Variants in GABRB3 observed in about 807,000 individuals in gnomAD.
GABRB3 encodes gamma-aminobutyric acid receptor subunit beta-3.
GABRB3 carries 14 observed loss-of-function variants against 52.1 expected under a neutral mutation model. The observed-to-expected ratio is 0.27, with a 90% CI of 0.18 to 0.42. The LOEUF is 0.42. GABRB3 is among the 10% of genes least tolerant of loss of function. GABRB3 has a pLI of 1.00. For synonymous variants in GABRB3, 260 were observed against 232.3 expected (o/e 1.12, Z -1.08); for missense variants, 307 against 609.1 (o/e 0.50, Z 5.22).
At chr15:26,767,524 C>A (rs1199310736) in intron 3 of GABRB3, among the ~76,000 whole-genome samples, 2 of 152,168 alleles carry the variant, frequency 1.3e-5, no homozygotes, top group African/African-American at 4.8e-5. Context: ...AAACCTCCGA[C>A]TGAATTCCTG....
chr15:26,677,575 C>T (rs1183488358), intron 3 of GABRB3, among the ~76,000 whole-genome samples: 1 of 152,080 alleles, frequency 6.6e-6, no homozygotes, highest in Non-Finnish European at 1.5e-5. Context: ...TCTGGGGATC[C>T]AGAAGAATGA....
intron 3 of GABRB3, among the ~76,000 whole-genome samples, chr15:26,661,519 C>T (rs187900028): frequency 6.5e-4 from 99 of 152,286 alleles, no homozygotes; most frequent in African/African-American, 2.3e-3. Context: ...ATTCACTCGT[C>T]AGCCAGGGAA....
intron 6 of GABRB3, among the ~76,000 whole-genome samples, chr15:26,579,360 G>C (rs1595455789): frequency 6.6e-6 from 1 of 152,134 alleles, no homozygotes; most frequent in Non-Finnish European, 1.5e-5. Flanking sequence ...GGCTGTGCCG[G>C]GTCAAGCAGG....
intron 3 of GABRB3, among the ~76,000 whole-genome samples, chr15:26,662,793 T>C (rs1409877020): frequency 6.6e-6 from 1 of 152,140 alleles, no homozygotes; most frequent in Non-Finnish European, 1.5e-5. Context: ...AGGAAAAGCA[T>C]TACCAGGAAC....
At chr15:26,649,658 CTGTGTGTGTGTGTG>C (rs57833685) in intron 3 of GABRB3, among the ~76,000 whole-genome samples, 5 of 130,096 alleles carry the variant, frequency 3.8e-5, no homozygotes, top group African/African-American at 1.5e-4. Context: ...AGAGCCAAGG[CTGTGTGTGTGTGTG>C]TGTGTGTGTG....
At chr15:26,635,532 T>C (rs551439589) in intron 3 of GABRB3, among the ~76,000 whole-genome samples, 7 of 152,130 alleles carry the variant, frequency 4.6e-5, no homozygotes, top group Non-Finnish European at 8.8e-5. Flanking sequence ...AAAAAAATGC[T>C]TAAACAGAAA....
At chr15:26,554,175 A>ATTATATATATATATATAT (rs1397152466) in intron 8 of GABRB3, among the ~76,000 whole-genome samples, 1 of 14,280 alleles carries the variant, frequency 7.0e-5, no homozygotes, top group East Asian at 0.019. Context: ...ATATATATAA[A>ATTATATATATATATATAT]GTATATATAT....
rs113625389 is a variant in GABRB3 at position 26,745,948 on chromosome 15, C to G, written c.240+26454G>C. Among the ~76,000 whole-genome samples, 240 of 152,196 alleles carry G rather than the reference C, an allele frequency of 1.6e-3. 1 individual carries two copies. The highest frequency in any genetic ancestry group is 5.7e-3 in the African/African-American group (235 of 41,532). Reference sequence around the variant, plus strand: ...TTTGTGTGACTACTGGTTTTCATTCCTCTGAGATAAATGCCACAGAGTGCA... The same window carrying G: ...TTTGTGTGACTACTGGTTTTCATTCGTCTGAGATAAATGCCACAGAGTGCA... On this transcript the variant is annotated intron_variant, in intron 3 of 8. Coordinates refer to ENST00000311550, the MANE Select transcript of GABRB3 (RefSeq NM_000814.6).
At chr15:26,572,822 A>C (rs983914703) in intron 6 of GABRB3, among the ~76,000 whole-genome samples, 3 of 152,182 alleles carry the variant, frequency 2.0e-5, no homozygotes, top group African/African-American at 7.2e-5. Flanking sequence ...GAGCCAACAG[A>C]CAGAGGCACA....
chr15:26,615,775 T>TA, intron 4 of GABRB3: 3 of 1,147,532 alleles, frequency 2.6e-6, no homozygotes, highest in Non-Finnish European at 3.3e-6. Flanking sequence ...GCGACTGACC[T>TA]ACCAGTGTAG....
chr15:26,709,001 T>C lies in GABRB3; in HGVS notation c.240+63401A>G, dbSNP rs61251957. ...TATGTTTCTAAGAAAATTTAAATAT[T>C]GATTATTATCTTTTCTACTAAAAGA... On this transcript the variant is annotated intron_variant, in intron 3 of 8. Transcript: ENST00000311550. 4.5e-4 allele frequency among the ~76,000 whole-genome samples: 68 copies of C among 152,368 alleles called. No individual in the cohort carries two copies. The East Asian group carries it at 5.4e-3, about 12-fold the overall frequency.
At position 26,739,978 on chromosome 15, in the gene GABRB3, A is replaced by C. The variant is rs183390770; in HGVS notation, c.240+32424T>G. Among the ~76,000 whole-genome samples, 370 of 152,268 alleles carry C rather than the reference A, an allele frequency of 2.4e-3. 2 individuals carry two copies. Among genetic ancestry groups the C allele is most frequent in the African/African-American group, 8.6e-3 (356 of 41,566 alleles). On this transcript the variant is annotated intron_variant, in intron 3 of 8. Transcript: ENST00000311550. ...AGACCTTTCCACTTCCTGCCGTGACACCTGCACGAGCCGCTCATTTGTCTC... is the reference window on the plus strand; with the variant it reads ...AGACCTTTCCACTTCCTGCCGTGACCCCTGCACGAGCCGCTCATTTGTCTC...
intron 6 of GABRB3, among the ~76,000 whole-genome samples, chr15:26,572,050 A>AG (rs1162574486): frequency 6.1e-5 from 9 of 147,712 alleles, no homozygotes; most frequent in African/African-American, 2.1e-4. Context: ...GTCTCAAGAA[A>AG]AAAAAAAAAA....
chr15:26,732,395 T>G (rs536157153), intron 3 of GABRB3, among the ~76,000 whole-genome samples: 28 of 152,114 alleles, frequency 1.8e-4, no homozygotes, highest in Non-Finnish European at 3.8e-4. Context: ...ATCACACTTC[T>G]TCTTACAGTC....
In GABRB3 at chr15:26,560,934, G is replaced by A. The variant is rs771568810; in HGVS notation, c.1078C>T (p.Arg360Trp). Residue 360 changes from arginine (R) to tryptophan (W), a missense_variant and splice_region_variant, in exon 8 of 9, where the codon CGG (arginine) becomes TGG (tryptophan). Around this residue, in one of 6 missense-constraint regions of GABRB3, gnomAD observed 115 missense variants for 166.9 expected, o/e 0.69. Transcript: ENST00000311550. Reference sequence around the variant, plus strand: ...GGTCAAGGTGGTGGAGAGCCTACCCGGTTGCTTTCGCTCTTTGAACGGTCA... The same window carrying A: ...GGTCAAGGTGGTGGAGAGCCTACCCAGTTGCTTTCGCTCTTTGAACGGTCA... ...KNDRSKSESN[R>W]VDAHGNILLT... The A allele has an allele frequency of 1.1e-5, 17 of 1,613,656 alleles. No individual in the cohort carries two copies. Among genetic ancestry groups the A allele is most frequent in the Admixed American group, 5.0e-5 (3 of 60,006 alleles).
At position 26,554,207 on chromosome 15, in the gene GABRB3, A is replaced by ATATATATATATATTTATTTATT. The variant is rs1348288306; in HGVS notation, c.1081-6074_1081-6073insAATAAATAAATATATATATATA. On this transcript the variant is annotated intron_variant, in intron 8 of 8. Transcript: ENST00000311550. ...ATATATATACTATATATATATATAT[A>ATATATATATATATTTATTTATT]TAGTAGAAACAAGGTCTCTCTTTGT... 2.0e-3 allele frequency among the ~76,000 whole-genome samples: 118 copies of ATATATATATATATTTATTTATT among 57,824 alleles called. 13 individuals are homozygous for ATATATATATATATTTATTTATT. The highest frequency in any genetic ancestry group is 3.6e-3 in the Non-Finnish European group (86 of 24,136). The allele number at this position is 57,824 out of a possible 152,430, so 37.9% of individuals were successfully genotyped here.
intron 3 of GABRB3, among the ~76,000 whole-genome samples, chr15:26,639,241 A>G (rs1893135224): frequency 6.6e-6 from 1 of 152,140 alleles, no homozygotes; most frequent in Non-Finnish European, 1.5e-5. Flanking sequence ...GTGTTTCAGT[A>G]AAATTAACGA....
chr15:26,643,259 C>G (rs1863457), intron 3 of GABRB3, among the ~76,000 whole-genome samples: 55,473 of 152,036 alleles, frequency 0.36, 11,417 homozygotes, highest in East Asian at 0.81. Context: ...CCCATCCTGG[C>G]GGCCAGGTGC....
intron 3 of GABRB3, among the ~76,000 whole-genome samples, chr15:26,690,779 A>C (rs907321577): frequency 2.0e-5 from 3 of 151,546 alleles, no homozygotes; most frequent in Non-Finnish European, 4.4e-5. Flanking sequence ...ACTCCAAATC[A>C]TGCCATGTTT....
Sources: gnomAD v4.1 joint callset for allele counts (sites outside exome capture counted in the v4.1 genomes callset) on GRCh38, gnomAD v4.1.1 for gene constraint, gnomAD v4.1.1 regional missense constraint, MANE v1.5 for transcripts, NCBI Gene and HGNC (gene_info 2026-07-23, HGNC 2026-07-21) for gene names.